MGAT4A: variants seen among roughly 807,000 people sequenced by gnomAD.
MGAT4A encodes the protein N-acetylglucosaminyltransferase IVa.
MGAT4A carries 33 observed loss-of-function variants against 74.1 expected under a neutral mutation model. That is an observed-to-expected ratio of 0.45 (90% CI 0.34 to 0.60). The LOEUF is 0.60. MGAT4A is among the 20% of genes least tolerant of loss of function. The pLI is 0.02. For missense variants in MGAT4A, 479 were observed against 628.3 expected, an observed-to-expected ratio of 0.76 and a Z score of 2.54; for synonymous variants, 198 against 210.4, an observed-to-expected ratio of 0.94 and a Z score of 0.51.
chr2:98,692,753 G>A (rs1702212404), intron 2 of MGAT4A, among the ~76,000 whole-genome samples: 1 of 152,198 alleles, frequency 6.6e-6, no homozygotes, highest in South Asian at 2.1e-4. Flanking sequence ...CCTAGGAGCA[G>A]TACGTAGGTG....
Position 98,726,228 on chromosome 2 carries a change from AT to A in MGAT4A, c.94+10del. On this transcript the variant is annotated intron_variant, in intron 2 of 15. Coordinates refer to ENST00000393487, the MANE Select transcript of MGAT4A (RefSeq NM_012214.3). ...ACATTTCATGCACATTTTCCGAGTCATTTTCCTTACCTTTCCCATTTTGCCA... is the reference window on the plus strand; with the variant it reads ...ACATTTCATGCACATTTTCCGAGTCATTTCCTTACCTTTCCCATTTTGCCA... The A allele has an allele frequency of 6.2e-7, 1 of 1,610,232 alleles. No individual in the cohort carries two copies.
intron 2 of MGAT4A, among the ~76,000 whole-genome samples, chr2:98,698,727 C>T (rs1339212157): frequency 6.6e-6 from 1 of 152,138 alleles, no homozygotes; most frequent in Non-Finnish European, 1.5e-5. Context: ...GTGCTCCAAG[C>T]CCACTTACTA....
chr2:98,674,080 A>C (rs1235221669), intron 4 of MGAT4A, among the ~76,000 whole-genome samples: 1 of 152,072 alleles, frequency 6.6e-6, no homozygotes, highest in East Asian at 1.9e-4. Flanking sequence ...TGATTAATGA[A>C]ATAGAAAGAC....
At chr2:98,716,981 C>T (rs11123749) in intron 2 of MGAT4A, among the ~76,000 whole-genome samples, 49,736 of 152,058 alleles carry the variant, frequency 0.33, 10,525 homozygotes, top group African/African-American at 0.59. Context: ...CTGTGGTTGG[C>T]TGAATCTGTG....
At chr2:98,717,846 C>T (rs977164646) in intron 2 of MGAT4A, among the ~76,000 whole-genome samples, 4 of 152,134 alleles carry the variant, frequency 2.6e-5, no homozygotes, top group Non-Finnish European at 4.4e-5. Context: ...CCTGGCATGC[C>T]GAAGGCACTC....
In MGAT4A at chr2:98,665,272, T is replaced by C. The variant is rs561479719; in HGVS notation, c.404-2093A>G. On this transcript the variant is annotated intron_variant, in intron 4 of 15. Transcript: ENST00000393487. ...TAAATCCAGGAGGCGGAGGTTGCAG[T>C]GAGTCAAGATCGCGCCACTGCACAC... 4.9e-3 allele frequency among the ~76,000 whole-genome samples: 687 copies of C among 140,938 alleles called. 2 individuals are homozygous for C. Among genetic ancestry groups the C allele is most frequent in the Middle Eastern group, 0.024 (6 of 250 alleles). 92.5% of individuals were successfully genotyped at this position (140,938 alleles called of 152,430 possible). A position where few individuals can be genotyped will look rare whatever the true frequency, so the allele number is the denominator to read the frequency against.
At chr2:98,654,011 A>T (rs1214278565) in intron 8 of MGAT4A, among the ~76,000 whole-genome samples, 3 of 152,202 alleles carry the variant, frequency 2.0e-5, no homozygotes, top group African/African-American at 7.2e-5. Context: ...CAACACACAA[A>T]AATCAATCAG....
At chr2:98,697,533 A>AATTTC (rs1190307661) in intron 2 of MGAT4A, among the ~76,000 whole-genome samples, 1 of 152,180 alleles carries the variant, frequency 6.6e-6, no homozygotes, top group African/African-American at 2.4e-5. Flanking sequence ...TACCAATGTC[A>AATTTC]ATTTCCTGAT....
intron 2 of MGAT4A, among the ~76,000 whole-genome samples, chr2:98,704,265 C>G (rs1358961860): frequency 1.3e-5 from 2 of 152,192 alleles, no homozygotes; most frequent in African/African-American, 2.4e-5. Flanking sequence ...TGTAAAAGCT[C>G]TATGTAAGCA....
chr2:98,680,941 C>T (rs1702050497), intron 2 of MGAT4A, among the ~76,000 whole-genome samples: 1 of 152,174 alleles, frequency 6.6e-6, no homozygotes, highest in African/African-American at 2.4e-5. Flanking sequence ...ATTAATTCTA[C>T]CCTAAGCAAA....
At chr2:98,629,557 C>T (rs1005187384) in intron 14 of MGAT4A, among the ~76,000 whole-genome samples, 3 of 152,054 alleles carry the variant, frequency 2.0e-5, no homozygotes, top group Non-Finnish European at 2.9e-5. Flanking sequence ...AAATAATTAC[C>T]AAATGATAAG....
At chr2:98,667,788 C>T (rs185606290) in intron 4 of MGAT4A, among the ~76,000 whole-genome samples, 2 of 151,946 alleles carry the variant, frequency 1.3e-5, no homozygotes, top group South Asian at 4.2e-4. Context: ...GGCATGATTT[C>T]GGCTCACTGG....
chr2:98,716,788 G>A (rs952551756), intron 2 of MGAT4A, among the ~76,000 whole-genome samples: 1 of 152,100 alleles, frequency 6.6e-6, no homozygotes, highest in African/African-American at 2.4e-5. Context: ...ATTTACATAT[G>A]ACCTACACAC....
chr2:98,633,940 G>T (rs904780040), intron 14 of MGAT4A, among the ~76,000 whole-genome samples: 1 of 152,168 alleles, frequency 6.6e-6, no homozygotes, highest in African/African-American at 2.4e-5. Context: ...AAGTAGCCAG[G>T]GTTATTGTGC....
intron 8 of MGAT4A, among the ~76,000 whole-genome samples, chr2:98,652,526 T>C (rs539822521): frequency 5.8e-4 from 89 of 152,214 alleles, no homozygotes; most frequent in African/African-American, 2.0e-3. Context: ...AGAGACGGAG[T>C]TTCACCGTGT....
In MGAT4A at chr2:98,675,165, T is replaced by C. The variant is rs1478716386; in HGVS notation, c.273A>G (p.Leu91=). ...TGCTTGTTAACTCCTTTAACAGCTT[T>C]AGGGTATTATCTGAAACACAGAAGT... ...DALNKFSDNT[L]KLLKELTSKK... The change falls in exon 4 of 16, where the codon CTA becomes CTG. Residue 91 remains leucine, a synonymous_variant. Coordinates refer to ENST00000393487, the MANE Select transcript of MGAT4A (RefSeq NM_012214.3). The C allele has an allele frequency of 6.3e-7, 1 of 1,594,532 alleles. No homozygotes were observed.
chr2:98,712,540 G>T (rs1219357953), intron 2 of MGAT4A, among the ~76,000 whole-genome samples: 1 of 152,192 alleles, frequency 6.6e-6, no homozygotes, highest in Non-Finnish European at 1.5e-5. Flanking sequence ...GTGCCCCTTT[G>T]TGACAACTCA....
chr2:98,675,347 A>G (rs1701965124), intron 3 of MGAT4A, among the ~76,000 whole-genome samples, 172 bp from the exon 4 acceptor site: 1 of 152,210 alleles, frequency 6.6e-6, no homozygotes, highest in African/African-American at 2.4e-5. Context: ...TTTCAAAGCC[A>G]AAGTCTCACA....
chr2:98,651,809 A>G (rs908334697), intron 8 of MGAT4A, among the ~76,000 whole-genome samples: 1 of 152,218 alleles, frequency 6.6e-6, no homozygotes, highest in African/African-American at 2.4e-5. Context: ...TTAATATACT[A>G]TCTACAAGAA....
Sources: gnomAD v4.1 joint callset for allele counts (sites outside exome capture counted in the v4.1 genomes callset) on GRCh38, gnomAD v4.1.1 for gene constraint, MANE v1.5 for transcripts, NCBI Gene and HGNC (gene_info 2026-07-23, HGNC 2026-07-21) for gene names.